The following MAP1B variants were observed in gnomAD, a reference collection of about 807,000 sequenced individuals.
MAP1B encodes the protein microtubule-associated protein 1B.
A neutral mutation model predicts 176.1 loss-of-function variants in MAP1B; 12 were observed. The ratio of observed to expected loss-of-function variants is 0.07; its 90% CI spans 0.04 to 0.11. The LOEUF is 0.11. Among genes scored for constraint, MAP1B ranks in the 10% least tolerant of loss-of-function variants. The probability of loss-of-function intolerance (pLI) is 1.00; values close to 1 mark genes in which losing one functional copy is unlikely to be tolerated. For missense variants in MAP1B, 2,523 were observed against 2,990.5 expected (o/e 0.84, Z 3.65); for synonymous variants, 1,044 against 1,135.0 (o/e 0.92, Z 1.61).
intron 2 of MAP1B, among the ~76,000 whole-genome samples, chr5:72,124,624 T>C (rs34959585): frequency 0.03 from 4,596 of 152,300 alleles, 110 homozygotes; most frequent in Non-Finnish European, 0.048. Context: ...AGACGAAATA[T>C]GAACATCCTG....
rs568124646 is a variant in MAP1B at position 72,134,897 on chromosome 5, A to G, written c.286+19098A>G. On this transcript the variant is annotated intron_variant, in intron 2 of 6. Transcript: ENST00000296755. ...TGCTTTTTCGTGATGGCATTGATCT[A>G]GTATGTCTTAAAGTCTCATTCCTTA... is the stretch of plus-strand genomic sequence containing the variant. Among the ~76,000 whole-genome samples the G allele has an allele frequency of 4.8e-5, 7 of 147,174 alleles. No individual in the cohort carries two copies. In the South Asian group the frequency reaches 1.6e-3, roughly 34 times the overall value.
At chr5:72,134,579 T>C (rs1265583409) in intron 2 of MAP1B, among the ~76,000 whole-genome samples, 1 of 148,296 alleles carries the variant, frequency 6.7e-6, no homozygotes, top group Admixed American at 6.7e-5. Context: ...ATAGGAGAAT[T>C]TTTTTTTTTT....
chr5:72,116,047 T>C (rs1165802117), intron 2 of MAP1B: 2 of 401,490 alleles, frequency 5.0e-6, no homozygotes, highest in African/African-American at 2.1e-5. Context: ...TGTATATATA[T>C]ACACACACAC....
chr5:72,118,978 A>G (rs1745479003), intron 2 of MAP1B, among the ~76,000 whole-genome samples: 1 of 152,170 alleles, frequency 6.6e-6, no homozygotes, highest in Non-Finnish European at 1.5e-5. Flanking sequence ...CCTTTATACT[A>G]GTTTATCCCT....
chr5:72,167,452 C>T (rs1333431960), intron 2 of MAP1B, among the ~76,000 whole-genome samples: 2 of 152,160 alleles, frequency 1.3e-5, no homozygotes, highest in Admixed American at 6.5e-5. Flanking sequence ...CTCAGTTGAC[C>T]ACAAGACTCA....
chr5:72,157,759 C>T (rs907872840), intron 2 of MAP1B, among the ~76,000 whole-genome samples: 1 of 152,242 alleles, frequency 6.6e-6, no homozygotes, highest in African/African-American at 2.4e-5. Context: ...GTAATTGCTT[C>T]TGGACTGTGG....
intron 1 of MAP1B, among the ~76,000 whole-genome samples, chr5:72,111,451 A>C (rs1276452430): frequency 6.6e-6 from 1 of 152,200 alleles, no homozygotes; most frequent in East Asian, 1.9e-4. Flanking sequence ...ACATTGTTAC[A>C]TTCTGATGTC....
At chr5:72,143,447 C>A (rs550011031) in intron 2 of MAP1B, among the ~76,000 whole-genome samples, 1 of 152,172 alleles carries the variant, frequency 6.6e-6, no homozygotes, top group Non-Finnish European at 1.5e-5. Context: ...TTTATATTTG[C>A]AGTGTCTTCT....
rs528108810 is a variant in MAP1B, at chr5:72,206,485, C to A, written c.*1246C>A. ...GATCAGAACTGGGAAAACAGTGAAT[C>A]TTATGGTGGAAGAGGTTCTCAGCAA... On this transcript the variant is annotated 3_prime_UTR_variant, in exon 7 of 7. Transcript: ENST00000296755. 2.6e-5 allele frequency: 4 copies of A among 152,606 alleles called. No individual in the cohort carries two copies. The highest frequency in any genetic ancestry group is 5.9e-5 in the Non-Finnish European group (4 of 68,040). 9.5% of individuals were successfully genotyped at this position (152,606 alleles called of 1,614,324 possible). A position where few individuals can be genotyped will look rare whatever the true frequency, so the allele number is the denominator to read the frequency against.
intron 2 of MAP1B, among the ~76,000 whole-genome samples, chr5:72,174,999 T>C (rs1205412631): frequency 2.7e-5 from 3 of 112,166 alleles, no homozygotes; most frequent in African/African-American, 6.8e-5. Context: ...CCCTCCTTCC[T>C]TCCTTCCCTC....
intron 2 of MAP1B, among the ~76,000 whole-genome samples, chr5:72,168,319 G>A (rs1746469802): frequency 6.6e-6 from 1 of 152,194 alleles, no homozygotes; most frequent in South Asian, 2.1e-4. Flanking sequence ...CAGAGCTCTG[G>A]CAGAGCTTGA....
chr5:72,130,055 G>A (rs1483572239), intron 2 of MAP1B, among the ~76,000 whole-genome samples: 1 of 151,774 alleles, frequency 6.6e-6, no homozygotes, highest in Non-Finnish European at 1.5e-5. Context: ...GCCAGCAAAT[G>A]GATTTTCTAT....
At position 72,194,810 on chromosome 5, in the gene MAP1B, C is replaced by T. The variant is rs1330784285; in HGVS notation, c.1455C>T (p.Ile485=). The T allele has an allele frequency of 6.2e-7, 1 of 1,614,182 alleles. No homozygotes were observed. The highest frequency in any genetic ancestry group is 1.1e-5 in the South Asian group (1 of 91,088). ...WHPANPAEKI[I]RVLFPGNSTQ... is the part of the protein sequence containing the mutation. ...CAGCAAACCCTGCGGAGAAAATCAT[C>T]CGAGTCCTGTTTCCTGGGAACAGCA... Residue 485 remains isoleucine, a synonymous_variant, in exon 5 of 7, where the codon ATC becomes ATT. Coordinates refer to ENST00000296755, the MANE Select transcript of MAP1B (RefSeq NM_005909.5). This position sits in a 1 kb window ranked among gnomAD's most constrained non-coding sequence, Gnocchi z 7.2.
intron 3 of MAP1B, among the ~76,000 whole-genome samples, chr5:72,184,577 G>A (rs1340765291): frequency 1.3e-5 from 2 of 152,180 alleles, no homozygotes; most frequent in Admixed American, 1.3e-4. Flanking sequence ...AGAGTCACTG[G>A]GTATTTTGGA....
At chr5:72,116,099 TGAGAAAGAGAGAGA>T (rs1239044129) in intron 2 of MAP1B, 5 of 335,836 alleles carry the variant, frequency 1.5e-5, no homozygotes, top group Admixed American at 1.3e-4. Context: ...ATCCAGGGCT[TGAGAAAGAGAGAGA>T]GAGAAAGAGA....
rs1188616731 is a variant in MAP1B at position 72,196,158 on chromosome 5, G to A, written c.2803G>A (p.Glu935Lys). 1 of 1,613,350 alleles carries A rather than the reference G, an allele frequency of 6.2e-7. No individual in the cohort carries two copies. The highest frequency in any genetic ancestry group is 1.1e-5 in the South Asian group (1 of 91,026). The change falls in exon 5 of 7, where the codon GAA becomes AAA. Residue 935 changes from glutamate (E) to lysine (K), a missense_variant. Physicochemically the swap from Glu to Lys is moderately conservative, Grantham distance 56. Coordinates refer to ENST00000296755, the MANE Select transcript of MAP1B (RefSeq NM_005909.5). This position sits in a 1 kb window ranked among gnomAD's most constrained non-coding sequence, Gnocchi z 5.3. ...KFEDEGAGFE[E>K]SSETGDYEEK... ...TGAAGATGAAGGAGCCGGTTTTGAA[G>A]AATCTTCAGAGACTGGAGACTATGA...
chr5:72,199,002 G>C lies in MAP1B; in HGVS notation c.5647G>C (p.Asp1883His). The change falls in exon 5 of 7, where the codon GAT becomes CAT. Residue 1883 changes from aspartate (D) to histidine (H), a missense_variant. This residue lies in a region of MAP1B where 1,925 missense variants were observed against 2,126.0 expected (regional missense o/e 0.91). Coordinates refer to ENST00000296755, the MANE Select transcript of MAP1B (RefSeq NM_005909.5). This position sits in a 1 kb window ranked among gnomAD's most constrained non-coding sequence, Gnocchi z 4.2. ...GCCTGAGGAAACAACCAGGTCCCCAGATGAAGAAGATTATGACTATGAGTC... is the reference window on the plus strand; with the variant it reads ...GCCTGAGGAAACAACCAGGTCCCCACATGAAGAAGATTATGACTATGAGTC... Reference protein sequence around the residue: ...QKPEETTRSPDEEDYDYESYE... With the variant: ...QKPEETTRSPHEEDYDYESYE... The C allele has an allele frequency of 1.9e-6, 3 of 1,614,196 alleles. No individual in the cohort carries two copies. The highest frequency in any genetic ancestry group is 2.5e-6 in the Non-Finnish European group (3 of 1,180,034).
rs1747137603 is a variant in MAP1B, at chr5:72,195,504, G to C, written c.2149G>C (p.Glu717Gln). The change falls in exon 5 of 7, where the codon GAG becomes CAG. Residue 717 changes from glutamate to glutamine, a missense_variant. Transcript: ENST00000296755. Reference protein sequence around the residue: ...KEVKKEVKKEEKKEVKKEEKE... With the variant: ...KEVKKEVKKEQKKEVKKEEKE... ...AGTCAAGAAGGAAGTTAAGAAGGAAGAGAAGAAGGAAGTGAAAAAGGAAGA... is the reference window on the plus strand; with the variant it reads ...AGTCAAGAAGGAAGTTAAGAAGGAACAGAAGAAGGAAGTGAAAAAGGAAGA... 1 of 1,585,168 alleles carries C rather than the reference G, an allele frequency of 6.3e-7. No individual in the cohort carries two copies. Among genetic ancestry groups the C allele is most frequent in the Non-Finnish European group, 8.5e-7 (1 of 1,172,948 alleles).
At position 72,207,924 on chromosome 5, in the gene MAP1B, T is replaced by C. The variant is rs1250386521; in HGVS notation, c.*2685T>C. On this transcript the variant is annotated 3_prime_UTR_variant, in exon 7 of 7. Coordinates refer to ENST00000296755, the MANE Select transcript of MAP1B (RefSeq NM_005909.5). ...GAGAATTATAGCCAGTCTTCAGTTA[T>C]AACCACTCCACCCTCCTCACTTTCT... 4 of 150,936 alleles carry C rather than the reference T, an allele frequency of 2.7e-5. No homozygotes were observed. Among genetic ancestry groups the C allele is most frequent in the African/African-American group, 4.9e-5 (2 of 41,194 alleles). 9.3% of individuals were successfully genotyped at this position (150,936 alleles called of 1,614,324 possible). A position where few individuals can be genotyped will look rare whatever the true frequency, so the allele number is the denominator to read the frequency against.
Sources: gnomAD v4.1 joint callset for allele counts (sites outside exome capture counted in the v4.1 genomes callset) on GRCh38, gnomAD v4.1.1 for gene constraint, gnomAD v4.1.1 regional missense constraint, Gnocchi (gnomAD v3.1) non-coding constraint, MANE v1.5 for transcripts, NCBI Gene and HGNC (gene_info 2026-07-23, HGNC 2026-07-21) for gene names.